UVSSA: variants seen among roughly 807,000 people sequenced by gnomAD.
The protein encoded by UVSSA is UV stimulated scaffold protein A, also known as UV-stimulated scaffold protein A.
Under a neutral mutation model 73.9 loss-of-function variants are expected in UVSSA, and 72 were observed. The ratio of observed to expected loss-of-function variants is 0.97; its 90% CI spans 0.81 to 1.19. The LOEUF (loss-of-function observed/expected upper bound fraction) is 1.19, where lower values mean the gene tolerates loss of function less well. UVSSA is among the 50% of genes most tolerant of loss of function. UVSSA has a pLI of 0.00. For missense variants in UVSSA, 1,150 were observed against 965.0 expected, an observed-to-expected ratio of 1.19 and a Z score of -2.54; for synonymous variants, 454 against 391.3, an observed-to-expected ratio of 1.16 and a Z score of -1.89.
At chr4:1,393,574 T>TTAGATAGATTAGA (rs1553889245) in exon 14 of UVSSA, 1 of 147,584 alleles carries the variant, frequency 6.8e-6, no homozygotes, top group Non-Finnish European at 1.5e-5. Flanking sequence ...GATAGATAGA[T>TTAGATAGATTAGA]TAGATAGATA....
At chr4:1,385,824 T>C in intron 13 of UVSSA, 44 bp from the exon 14 acceptor site, 1 of 1,607,730 alleles carries the variant, frequency 6.2e-7, no homozygotes, top group Non-Finnish European at 8.5e-7. Context: ...CCCAGGCCCC[T>C]GGCGGAAGCC....
At chr4:1,391,713 A>G (rs11726794), downstream of UVSSA, 10,893 of 84,538 alleles carry the variant, frequency 0.13, 538 homozygotes, top group Non-Finnish European at 0.23. Flanking sequence ...TAGTGGGATC[A>G]TGTTTCTTAT....
intron 11 of UVSSA, chr4:1,380,572 G>A (rs1481105692): frequency 5.5e-5 from 74 of 1,348,026 alleles, no homozygotes; most frequent in African/African-American, 5.8e-5. Context: ...GGCCAGGGCA[G>A]CTCCCAGCCG....
At chr4:1,378,475 C>T (rs1719044095) in intron 10 of UVSSA, among the ~76,000 whole-genome samples, 1 of 152,162 alleles carries the variant, frequency 6.6e-6, no homozygotes, top group African/African-American at 2.4e-5. Context: ...CGCTTGAACC[C>T]AGGAGGCGGA....
At chr4:1,388,481 G>GT (rs1056281651), downstream of UVSSA, 4 of 152,178 alleles carry the variant, frequency 2.6e-5, no homozygotes, top group Non-Finnish European at 5.9e-5. Context: ...GCTCTGGCTA[G>GT]TACCTCCAGG....
rs761716100 is a variant in UVSSA, at chr4:1,355,263, G to C, written c.1176+18G>C. ...GGCGCAGGGTGAGTGGGCAGGCGGCGAGCGGGAAGGGGTCCCAGAGGCCTC... is the reference window on the plus strand; with the variant it reads ...GGCGCAGGGTGAGTGGGCAGGCGGCCAGCGGGAAGGGGTCCCAGAGGCCTC... On this transcript the variant is annotated intron_variant, in intron 7 of 13. Coordinates refer to ENST00000389851, the MANE Select transcript of UVSSA (RefSeq NM_020894.4). 6.3e-7 allele frequency: 1 copy of C among 1,598,484 alleles called. No individual in the cohort carries two copies. The highest frequency in any genetic ancestry group is 8.5e-7 in the Non-Finnish European group (1 of 1,172,866).
At chr4:1,353,951 C>T (rs1173463122) in intron 5 of UVSSA, among the ~76,000 whole-genome samples, 1 of 152,228 alleles carries the variant, frequency 6.6e-6, no homozygotes, top group East Asian at 1.9e-4. Context: ...CCCCCGCCCC[C>T]CAGCCCCAGC....
intron 7 of UVSSA, among the ~76,000 whole-genome samples, chr4:1,358,914 A>G (rs1025419397): frequency 6.6e-6 from 1 of 152,250 alleles, no homozygotes; most frequent in Non-Finnish European, 1.5e-5. Flanking sequence ...AGATGGGAAC[A>G]TGGAACGCTG....
At chr4:1,384,005 GC>G in intron 13 of UVSSA, 65 bp downstream of exon 13, 2 of 1,496,688 alleles carry the variant, frequency 1.3e-6, no homozygotes, top group Non-Finnish European at 1.8e-6. Context: ...TTCGAGGGGG[GC>G]CATCTGAGCG....
chr4:1,390,655 G>GT (rs1246965638), downstream of UVSSA: 1 of 152,276 alleles, frequency 6.6e-6, no homozygotes, highest in Non-Finnish European at 1.5e-5. Flanking sequence ...TCTTTTATAT[G>GT]TATTGAGAGT....
chr4:1,369,208 G>A (rs936741934), intron 8 of UVSSA, among the ~76,000 whole-genome samples: 6 of 152,252 alleles, frequency 3.9e-5, no homozygotes, highest in Admixed American at 3.3e-4. Flanking sequence ...CTTGCTGGGA[G>A]TCGACCGGGT....
intron 13 of UVSSA, chr4:1,384,184 C>T (rs762105328): frequency 1.6e-5 from 8 of 512,752 alleles, no homozygotes; most frequent in Admixed American, 7.1e-5. Context: ...GGGGCTCGAC[C>T]GCCAGGCACC....
chr4:1,380,802 A>C, intron 11 of UVSSA, 78 bp from the exon 12 acceptor site: 1 of 1,592,182 alleles, frequency 6.3e-7, no homozygotes, highest in South Asian at 1.1e-5. Context: ...GTTTGTGCCC[A>C]AGTCGTGGTG....
chr4:1,370,585 C>G (rs1003017829), intron 8 of UVSSA, among the ~76,000 whole-genome samples: 7 of 152,276 alleles, frequency 4.6e-5, no homozygotes, highest in African/African-American at 1.7e-4. Flanking sequence ...CTGTGAAGGG[C>G]CAGAGCGCAG....
At chr4:1,372,481 G>A (rs1718177837) in intron 8 of UVSSA, among the ~76,000 whole-genome samples, 1 of 152,112 alleles carries the variant, frequency 6.6e-6, no homozygotes, top group Non-Finnish European at 1.5e-5. Flanking sequence ...ACACACATAT[G>A]TGTTTCTCAA....
At chr4:1,360,703 A>G (rs1421160869) in intron 7 of UVSSA, among the ~76,000 whole-genome samples, 2 of 152,102 alleles carry the variant, frequency 1.3e-5, no homozygotes, top group Admixed American at 6.5e-5. Flanking sequence ...GTGACTCACC[A>G]GAGCCCGGGA....
At position 1,362,853 on chromosome 4, in the gene UVSSA, C is replaced by T. The variant is rs538275880; in HGVS notation, c.1177-3467C>T. ...CGGGGAGCTCTGTCCCTGGTGACCA[C>T]GCCGTTCCTGTCCTCCGAACAGGCC... On this transcript the variant is annotated intron_variant, in intron 7 of 13. Coordinates refer to ENST00000389851, the MANE Select transcript of UVSSA (RefSeq NM_020894.4). 2.5e-3 allele frequency among the ~76,000 whole-genome samples: 388 copies of T among 152,296 alleles called. 2 individuals are homozygous for T. Among genetic ancestry groups the T allele is most frequent in the African/African-American group, 9.0e-3 (373 of 41,556 alleles).
upstream of UVSSA, among the ~76,000 whole-genome samples, chr4:1,344,236 T>C (rs539282285): frequency 6.6e-6 from 1 of 152,208 alleles, no homozygotes; most frequent in Non-Finnish European, 1.5e-5. Flanking sequence ...TTGGTTCTTT[T>C]AAAATATCTT....
chr4:1,385,628 C>G (rs1182979889), intron 13 of UVSSA: 1 of 559,896 alleles, frequency 1.8e-6, no homozygotes, highest in African/African-American at 1.9e-5. Flanking sequence ...CGCAGAACCA[C>G]CCGCCGCAGA....
Sources: gnomAD v4.1 joint callset for allele counts (sites outside exome capture counted in the v4.1 genomes callset) on GRCh38, gnomAD v4.1.1 for gene constraint, MANE v1.5 for transcripts, NCBI Gene and HGNC (gene_info 2026-07-23, HGNC 2026-07-21) for gene names.